The following GALNT17 variants were observed in gnomAD, a reference collection of about 807,000 sequenced individuals.
GALNT17 encodes the protein polypeptide N-acetylgalactosaminyltransferase 17, also known as UDP-GalNAc:polypeptide N-acetylgalactosaminyltransferase-like 3.
A neutral mutation model predicts 63.7 loss-of-function variants in GALNT17; 29 were observed. That is an observed-to-expected ratio of 0.46 (90% confidence interval 0.34 to 0.62). GALNT17 has a LOEUF of 0.62. Ranked by LOEUF, GALNT17 falls within the 20% of genes least tolerant of loss-of-function variation. The pLI, the probability that GALNT17 is intolerant of heterozygous loss-of-function variation, is 0.01. For synonymous variants in GALNT17, 305 were observed against 318.3 expected (o/e 0.96, Z 0.45); for missense variants, 603 against 799.6 (o/e 0.75, Z 2.97).
At chr7:71,670,820 T>G (rs1021958411) in intron 8 of GALNT17, among the ~76,000 whole-genome samples, 12 of 151,952 alleles carry the variant, frequency 7.9e-5, no homozygotes, top group Non-Finnish European at 2.9e-5. Context: ...AAGCCAAGGT[T>G]GGACTTGGGG....
intron 2 of GALNT17, among the ~76,000 whole-genome samples, chr7:71,348,578 C>G (rs1321960121): frequency 6.6e-6 from 1 of 152,138 alleles, no homozygotes; most frequent in Non-Finnish European, 1.5e-5. Context: ...TGTTTATAAC[C>G]CCCGGGGTCA....
At chr7:71,573,567 C>T (rs1176189465) in intron 6 of GALNT17, among the ~76,000 whole-genome samples, 3 of 151,070 alleles carry the variant, frequency 2.0e-5, no homozygotes, top group East Asian at 4.0e-4. Flanking sequence ...ATCTCCTGAC[C>T]TTGTGATCTG....
At chr7:71,266,761 C>T (rs1403707298) in intron 1 of GALNT17, among the ~76,000 whole-genome samples, 1 of 152,066 alleles carries the variant, frequency 6.6e-6, no homozygotes, top group African/African-American at 2.4e-5. Context: ...AGAAGTGCAA[C>T]CTGGAAGGCC....
At chr7:71,411,135 T>C (rs1793422429) in intron 3 of GALNT17, among the ~76,000 whole-genome samples, 1 of 151,910 alleles carries the variant, frequency 6.6e-6, no homozygotes, top group Non-Finnish European at 1.5e-5. Flanking sequence ...TTTTTTTTTC[T>C]TTTTTGAGAG....
intron 1 of GALNT17, among the ~76,000 whole-genome samples, chr7:71,213,879 T>G (rs1028647503): frequency 6.6e-6 from 1 of 152,248 alleles, no homozygotes; most frequent in Non-Finnish European, 1.5e-5. Context: ...GTAACCAGCC[T>G]GTTCCTACCA....
At chr7:71,583,727 GCA>G (rs969364342) in intron 6 of GALNT17, among the ~76,000 whole-genome samples, 33 of 28,358 alleles carry the variant, frequency 1.2e-3, no homozygotes, top group African/African-American at 2.8e-3. Flanking sequence ...GAACACACAT[GCA>G]CACACACACA....
At chr7:71,586,883 C>A (rs1250432552) in intron 6 of GALNT17, among the ~76,000 whole-genome samples, 1 of 152,050 alleles carries the variant, frequency 6.6e-6, no homozygotes, top group African/African-American at 2.4e-5. Context: ...TCTCTTCTAG[C>A]TGTTTTGAAA....
intron 1 of GALNT17, among the ~76,000 whole-genome samples, chr7:71,215,863 A>T (rs1789467375): frequency 6.6e-6 from 1 of 152,158 alleles, no homozygotes; most frequent in African/African-American, 2.4e-5. Flanking sequence ...TTGTATTGAG[A>T]TAGGTCATAC....
At chr7:71,509,948 A>AG (rs1262939925) in intron 5 of GALNT17, among the ~76,000 whole-genome samples, 1 of 41,990 alleles carries the variant, frequency 2.4e-5, no homozygotes, top group South Asian at 6.5e-4. Context: ...TAAAGTGTAC[A>AG]ATTTTTTTTT....
At chr7:71,281,747 CAAT>C (rs1443271933) in intron 1 of GALNT17, among the ~76,000 whole-genome samples, 2 of 152,180 alleles carry the variant, frequency 1.3e-5, no homozygotes, top group African/African-American at 4.8e-5. Context: ...ATTTGGGAGA[CAAT>C]GATATATATT....
intron 5 of GALNT17, among the ~76,000 whole-genome samples, chr7:71,522,809 A>G (rs956457847): frequency 3.8e-4 from 58 of 152,316 alleles, no homozygotes; most frequent in African/African-American, 1.3e-3. Context: ...TTCTTGATTG[A>G]TCTGAGGATG....
rs914088830 is a variant in GALNT17 at position 71,459,853 on chromosome 7, A to C, written c.962+38748A>C. On this transcript the variant is annotated intron_variant, in intron 5 of 10. Coordinates refer to ENST00000333538, the MANE Select transcript of GALNT17 (RefSeq NM_022479.3). ...TGTCTCTAAGGGCAGCTGCTATGAG[A>C]CTTCAAAAGAACCTTGGTCTCCACA... is the stretch of plus-strand genomic sequence containing the variant. Among the ~76,000 whole-genome samples the C allele has an allele frequency of 6.6e-5, 10 of 152,326 alleles. No homozygotes were observed. The South Asian group carries it at 2.1e-3, about 32-fold the overall frequency.
At chr7:71,678,481 C>A (rs568831429) in intron 9 of GALNT17, among the ~76,000 whole-genome samples, 2 of 151,818 alleles carry the variant, frequency 1.3e-5, no homozygotes, top group African/African-American at 4.8e-5. Context: ...AGTTCGAGAC[C>A]AGCCTGGACA....
At chr7:71,689,322 T>C (rs1241269425) in intron 9 of GALNT17, among the ~76,000 whole-genome samples, 2 of 152,274 alleles carry the variant, frequency 1.3e-5, no homozygotes, top group East Asian at 3.9e-4. Context: ...TGCCAAATAA[T>C]TTGCCAAGTT....
chr7:71,359,143 CTGTT>C lies in GALNT17; in HGVS notation c.422+23414_422+23417del, dbSNP rs756836857. On this transcript the variant is annotated intron_variant, in intron 2 of 10. Transcript: ENST00000333538. ...AGTGTCACAAGTACAGTGCCTTTGT[CTGTT>C]TGTGTTGCTGTCAAGGAATACCTCA... Among the ~76,000 whole-genome samples, 419 of 152,304 alleles carry C rather than the reference CTGTT, an allele frequency of 2.8e-3. 1 individual carries two copies. The highest frequency in any genetic ancestry group is 9.6e-3 in the African/African-American group (398 of 41,570).
chr7:71,494,955 G>T (rs551719168), intron 5 of GALNT17, among the ~76,000 whole-genome samples: 2 of 152,246 alleles, frequency 1.3e-5, no homozygotes, highest in African/African-American at 4.8e-5. Flanking sequence ...TGATTCAATT[G>T]TCTCCACCTG....
intron 6 of GALNT17, among the ~76,000 whole-genome samples, chr7:71,609,619 A>C (rs1790095928): frequency 6.6e-6 from 1 of 152,236 alleles, no homozygotes; most frequent in African/African-American, 2.4e-5. Context: ...CATGCAATGC[A>C]TAAAAATCAC....
At chr7:71,377,106 ATAAAAAAAATATATATAT>A (rs1450437951) in intron 2 of GALNT17, among the ~76,000 whole-genome samples, 12 of 50,488 alleles carry the variant, frequency 2.4e-4, no homozygotes, top group South Asian at 5.6e-4. Flanking sequence ...AAAAATAAAA[ATAAAAAAAATATATATAT>A]ATATATATAT....
At position 71,558,924 on chromosome 7, in the gene GALNT17, GA is replaced by G. The variant is rs770901248; in HGVS notation, c.963-12357del. 2.6e-5 allele frequency among the ~76,000 whole-genome samples: 4 copies of G among 152,168 alleles called. No individual in the cohort carries two copies. In the East Asian group the frequency reaches 7.7e-4, roughly 29 times the overall value. Reference sequence around the variant, plus strand: ...CACTGGCGTTTTTTTCTGCATCTGTGAAAATTCACACCCCACAGAGATGAGG... The same window carrying G: ...CACTGGCGTTTTTTTCTGCATCTGTGAAATTCACACCCCACAGAGATGAGG... On this transcript the variant is annotated intron_variant, in intron 5 of 10. Transcript: ENST00000333538.
Sources: gnomAD v4.1 joint callset for allele counts (sites outside exome capture counted in the v4.1 genomes callset) on GRCh38, gnomAD v4.1.1 for gene constraint, MANE v1.5 for transcripts, NCBI Gene and HGNC (gene_info 2026-07-23, HGNC 2026-07-21) for gene names.